The following ALDH1A2 variants were observed in gnomAD, a reference collection of about 807,000 sequenced individuals.
ALDH1A2 encodes retinal dehydrogenase 2.
In ALDH1A2, 27 loss-of-function variants were observed where a neutral mutation model predicts 60.3. The ratio of observed to expected loss-of-function variants is 0.45; its 90% CI spans 0.33 to 0.62. The LOEUF (loss-of-function observed/expected upper bound fraction) is 0.62, where lower values mean the gene tolerates loss of function less well. ALDH1A2 is among the 20% of genes least tolerant of loss of function. The pLI, the probability that ALDH1A2 is intolerant of heterozygous loss-of-function variation, is 0.02. For synonymous variants in ALDH1A2, 289 were observed against 232.4 expected, an observed-to-expected ratio of 1.24 and a Z score of -2.21; for missense variants, 581 against 643.8, an observed-to-expected ratio of 0.90 and a Z score of 1.06.
chr15:57,994,977 C>T, intron 5 of ALDH1A2, 101 bp downstream of exon 5: 1 of 1,155,626 alleles, frequency 8.7e-7, no homozygotes, highest in East Asian at 2.3e-5. Context: ...TTTTTTCCTC[C>T]AGTAATGGAA....
intron 3 of ALDH1A2, chr15:58,012,261 T>C (rs2140516369): frequency 6.6e-6 from 1 of 152,342 alleles, no homozygotes; most frequent in South Asian, 2.1e-4. Context: ...TCCAATGCTA[T>C]AGATATCATA....
intron 1 of ALDH1A2, among the ~76,000 whole-genome samples, chr15:58,018,282 T>G (rs985773696): frequency 2.0e-5 from 3 of 152,122 alleles, no homozygotes; most frequent in Non-Finnish European, 4.4e-5. Context: ...TGGTAATAGA[T>G]TATGACCCAT....
intron 4 of ALDH1A2, among the ~76,000 whole-genome samples, chr15:58,003,440 T>C (rs1411047171): frequency 6.6e-6 from 1 of 151,974 alleles, no homozygotes; most frequent in African/African-American, 2.4e-5. Context: ...TATCCTATTC[T>C]TTAACAGGTT....
intron 1 of ALDH1A2, among the ~76,000 whole-genome samples, chr15:58,048,091 G>C (rs1201148977): frequency 6.6e-6 from 1 of 151,920 alleles, no homozygotes; most frequent in African/African-American, 2.4e-5. Context: ...GTCCTAAGCT[G>C]AAAGTCAGGA....
intron 1 of ALDH1A2, 60 bp downstream of exon 1, chr15:58,065,474 G>A: frequency 2.8e-6 from 4 of 1,411,354 alleles, no homozygotes; most frequent in East Asian, 2.3e-5. Flanking sequence ...AAGAGATCGG[G>A]GAAACCGAAG....
chr15:58,063,366 T>C (rs762042530), intron 1 of ALDH1A2, among the ~76,000 whole-genome samples: 2 of 152,210 alleles, frequency 1.3e-5, no homozygotes, highest in East Asian at 1.9e-4. Context: ...CTATCGAATA[T>C]GGTATCACTA....
Position 58,033,253 on chromosome 15 carries a change from G to A in ALDH1A2, c.118-18972C>T, listed in dbSNP as rs552393887. On this transcript the variant is annotated intron_variant, in intron 1 of 12. Coordinates refer to ENST00000249750, the MANE Select transcript of ALDH1A2 (RefSeq NM_003888.4). ...GTGCAAATAAAAAATGCATTTGTAT[G>A]TATTGGGATTATATTTAGTGTTATA... Among the ~76,000 whole-genome samples, 33 of 151,940 alleles carry A rather than the reference G, an allele frequency of 2.2e-4. 1 individual carries two copies. The highest frequency in any genetic ancestry group is 4.1e-4 in the Non-Finnish European group (28 of 67,926).
chr15:58,065,697 C>G lies in ALDH1A2; in HGVS notation c.-47G>C, dbSNP rs1327089012. The G allele has an allele frequency of 1.5e-6, 2 of 1,376,386 alleles. No individual in the cohort carries two copies. The highest frequency in any genetic ancestry group is 2.0e-6 in the Non-Finnish European group (2 of 1,022,530). 85.3% of individuals were successfully genotyped at this position (1,376,386 alleles called of 1,614,324 possible). On this transcript the variant is annotated 5_prime_UTR_variant, in exon 1 of 13. Coordinates refer to ENST00000249750, the MANE Select transcript of ALDH1A2 (RefSeq NM_003888.4). ...AGCCCGCGGCGTGGGGCAGTGCGGGCTGTGCGCGCGGTCCGCGGCCCGGGG... is the reference window on the plus strand; with the variant it reads ...AGCCCGCGGCGTGGGGCAGTGCGGGGTGTGCGCGCGGTCCGCGGCCCGGGG...
intron 1 of ALDH1A2, among the ~76,000 whole-genome samples, chr15:58,032,073 C>T (rs1361506185): frequency 6.6e-6 from 1 of 152,056 alleles, no homozygotes; most frequent in Non-Finnish European, 1.5e-5. Context: ...TATCGCGGCA[C>T]TATTCACAAT....
chr15:58,042,850 A>G lies in ALDH1A2; in HGVS notation c.117+22684T>C, dbSNP rs565193042. On this transcript the variant is annotated intron_variant, in intron 1 of 12. Transcript: ENST00000249750. ...CTGCTTTTCTCTGGGGCACTGGATC[A>G]TAACACTGGAGTTCTCCTGAGTGAC... Among the ~76,000 whole-genome samples, 5 of 152,076 alleles carry G rather than the reference A, an allele frequency of 3.3e-5. No individual in the cohort carries two copies. In the South Asian group the frequency reaches 6.2e-4, roughly 19 times the overall value.
chr15:57,988,557 A>G (rs1200507116), intron 7 of ALDH1A2, among the ~76,000 whole-genome samples: 1 of 152,238 alleles, frequency 6.6e-6, no homozygotes, highest in Non-Finnish European at 1.5e-5. Flanking sequence ...AATTAAAAAG[A>G]ATCAGTGGTT....
chr15:57,991,211 C>A (rs1284185845), intron 7 of ALDH1A2, among the ~76,000 whole-genome samples: 3 of 152,134 alleles, frequency 2.0e-5, no homozygotes, highest in African/African-American at 7.2e-5. Context: ...AAATTGATTG[C>A]ATCTTTAGTT....
intron 1 of ALDH1A2, among the ~76,000 whole-genome samples, chr15:58,020,392 G>T (rs1279046471): frequency 6.6e-6 from 1 of 152,106 alleles, no homozygotes. Flanking sequence ...CATCTTTCCT[G>T]ATATGGTCAG....
intron 4 of ALDH1A2, among the ~76,000 whole-genome samples, chr15:58,008,053 C>G (rs1247458324): frequency 6.6e-6 from 1 of 152,012 alleles, no homozygotes; most frequent in Non-Finnish European, 1.5e-5. Context: ...CCAAATGTAT[C>G]TAAAACTGGA....
intron 1 of ALDH1A2, among the ~76,000 whole-genome samples, chr15:58,060,782 C>A (rs1263524270): frequency 6.6e-6 from 1 of 152,076 alleles, no homozygotes. Context: ...GGCAGACAGT[C>A]CACAGTTTGC....
chr15:58,048,330 A>G (rs1896684906), intron 1 of ALDH1A2, among the ~76,000 whole-genome samples: 1 of 152,126 alleles, frequency 6.6e-6, no homozygotes, highest in South Asian at 2.1e-4. Flanking sequence ...TTAATGCTGT[A>G]AATGGAAATA....
intron 1 of ALDH1A2, among the ~76,000 whole-genome samples, chr15:58,058,625 T>C (rs1896952929): frequency 6.6e-6 from 1 of 152,262 alleles, no homozygotes; most frequent in East Asian, 1.9e-4. Context: ...TTCAGATTCA[T>C]GATATGCTAA....
intron 1 of ALDH1A2, among the ~76,000 whole-genome samples, chr15:58,016,681 T>C (rs1895797917): frequency 1.3e-5 from 2 of 152,186 alleles, no homozygotes; most frequent in South Asian, 2.1e-4. Context: ...TATTTTAAAG[T>C]ATTTTGCTAC....
intron 9 of ALDH1A2, 99 bp downstream of exon 9, chr15:57,963,786 A>G: frequency 1.5e-6 from 2 of 1,316,100 alleles, no homozygotes; most frequent in South Asian, 2.6e-5. Context: ...GAGTCAGCCG[A>G]AAAGGAAGAT....
Sources: gnomAD v4.1 joint callset for allele counts (sites outside exome capture counted in the v4.1 genomes callset) on GRCh38, gnomAD v4.1.1 for gene constraint, MANE v1.5 for transcripts, NCBI Gene and HGNC (gene_info 2026-07-23, HGNC 2026-07-21) for gene names.